Variants in RBKS observed in about 807,000 individuals in gnomAD.
RBKS encodes ribokinase.
A neutral mutation model predicts 33.9 loss-of-function variants in RBKS; 33 were observed. The ratio of observed to expected loss-of-function variants is 0.97; its 90% CI spans 0.74 to 1.30. The LOEUF is 1.30. Ranked by LOEUF, RBKS falls within the 50% of genes most tolerant of loss-of-function variation. The pLI, the probability that RBKS is intolerant of heterozygous loss-of-function variation, is 0.00. For missense variants in RBKS, 361 were observed against 392.6 expected (o/e 0.92, Z 0.68); for synonymous variants, 125 against 143.0 (o/e 0.87, Z 0.90).
At chr2:27,857,764 T>C (rs1010216367) in intron 2 of RBKS, among the ~76,000 whole-genome samples, 3 of 152,218 alleles carry the variant, frequency 2.0e-5, no homozygotes, top group Non-Finnish European at 4.4e-5. Context: ...CATTAAGTTA[T>C]TTGAGAACTG....
At chr2:27,864,682 A>C (rs1196219497) in intron 1 of RBKS, among the ~76,000 whole-genome samples, 2 of 152,156 alleles carry the variant, frequency 1.3e-5, no homozygotes, top group Non-Finnish European at 2.9e-5. Flanking sequence ...AGAAAAAAAA[A>C]AACCAGGTTT....
intron 6 of RBKS, among the ~76,000 whole-genome samples, chr2:27,830,572 T>C (rs1213477125): frequency 6.6e-6 from 1 of 151,602 alleles, no homozygotes; most frequent in African/African-American, 2.4e-5. Flanking sequence ...CTCCAGAACA[T>C]TAAGCTTTTA....
intron 4 of RBKS, among the ~76,000 whole-genome samples, chr2:27,843,562 TGCG>T (rs1663558715): frequency 6.6e-6 from 1 of 152,190 alleles, no homozygotes; most frequent in Non-Finnish European, 1.5e-5. Context: ...AGTATATGTA[TGCG>T]GTAAAGGTTC....
intron 3 of RBKS, among the ~76,000 whole-genome samples, chr2:27,847,495 A>T (rs1001662534): frequency 6.6e-6 from 1 of 152,216 alleles, no homozygotes; most frequent in Admixed American, 6.5e-5. Context: ...GATTATTTTC[A>T]TTCTCATAAG....
chr2:27,798,149 C>A (rs529505398), intron 7 of RBKS, among the ~76,000 whole-genome samples: 14 of 152,142 alleles, frequency 9.2e-5, no homozygotes, highest in Non-Finnish European at 2.1e-4. Context: ...CATGTAGGCG[C>A]CCAAGTCCTA....
At chr2:27,793,135 A>T (rs1464963643) in intron 7 of RBKS, among the ~76,000 whole-genome samples, 2 of 152,218 alleles carry the variant, frequency 1.3e-5, no homozygotes, top group Non-Finnish European at 2.9e-5. Context: ...GTCTATACTG[A>T]TATAAAATAA....
At chr2:27,883,537 G>A (rs1441596527) in intron 1 of RBKS, among the ~76,000 whole-genome samples, 1 of 151,986 alleles carries the variant, frequency 6.6e-6, no homozygotes, top group Non-Finnish European at 1.5e-5. Flanking sequence ...CACACTATAA[G>A]TATTTCAGCA....
rs1374220433 is a variant in RBKS, at chr2:27,795,185, T to C, written c.796-13397A>G. Among the ~76,000 whole-genome samples the C allele has an allele frequency of 2.0e-5, 3 of 152,198 alleles. No individual in the cohort carries two copies. Among genetic ancestry groups the C allele is most frequent in the African/African-American group, 4.8e-5 (2 of 41,442 alleles). On this transcript the variant is annotated intron_variant, in intron 7 of 7. Coordinates refer to ENST00000302188, the MANE Select transcript of RBKS (RefSeq NM_022128.3). The surrounding 1 kb of genome is among the most constrained non-coding windows in gnomAD (Gnocchi z 4.1). The stretch of plus-strand genomic sequence containing the variant: ...TCCCTTAAAAGTCCTGTGTGTTCAA[T>C]TAATGCTTGCTGATGGACCGTCTCT...
intron 1 of RBKS, among the ~76,000 whole-genome samples, chr2:27,886,576 G>A (rs775792720): frequency 6.6e-6 from 1 of 152,098 alleles, no homozygotes; most frequent in Non-Finnish European, 1.5e-5. Flanking sequence ...ATGATATAAT[G>A]GAAAGGTACG....
intron 7 of RBKS, among the ~76,000 whole-genome samples, chr2:27,822,363 A>G (rs1678228639): frequency 6.6e-6 from 1 of 152,202 alleles, no homozygotes; most frequent in Admixed American, 6.5e-5. Context: ...AGGAAAGGTC[A>G]CACCAAGTTG....
intron 5 of RBKS, among the ~76,000 whole-genome samples, chr2:27,836,924 A>AGCAGTTTGGAGATTGATTCTCAAAGAAC (rs1678534381): frequency 2.0e-5 from 3 of 150,886 alleles, no homozygotes; most frequent in African/African-American, 7.5e-5. Context: ...CATCAGAGAA[A>AGCAGTTTGGAGATTGATTCTCAAAGAAC]TGCAAATCAA....
intron 5 of RBKS, 31 bp downstream of exon 5, chr2:27,843,036 T>C (rs1464819830): frequency 6.6e-7 from 1 of 1,511,208 alleles, no homozygotes; most frequent in Non-Finnish European, 8.9e-7. Flanking sequence ...TAAAAGCTTT[T>C]ATAGAAAGAA....
At chr2:27,801,362 C>A (rs1252217319) in intron 7 of RBKS, among the ~76,000 whole-genome samples, 10 of 151,956 alleles carry the variant, frequency 6.6e-5, no homozygotes, top group African/African-American at 9.7e-5. Flanking sequence ...GCATTCCCAA[C>A]TGGGGCTATA....
At chr2:27,868,023 A>G (rs1462990590) in intron 1 of RBKS, among the ~76,000 whole-genome samples, 2 of 152,240 alleles carry the variant, frequency 1.3e-5, no homozygotes, top group South Asian at 2.1e-4. Context: ...TACAAAACCA[A>G]TATTTTATTT....
At chr2:27,822,893 A>G (rs562279262) in intron 7 of RBKS, among the ~76,000 whole-genome samples, 1 of 152,364 alleles carries the variant, frequency 6.6e-6, no homozygotes, top group African/African-American at 2.4e-5. Context: ...TAAATTCTTG[A>G]GAGTGTTATT....
chr2:27,850,228 A>G (rs1663711310), intron 2 of RBKS, among the ~76,000 whole-genome samples: 1 of 152,166 alleles, frequency 6.6e-6, no homozygotes, highest in Admixed American at 6.5e-5. Context: ...CAGAGTTCCC[A>G]TATACTCTCT....
intron 7 of RBKS, among the ~76,000 whole-genome samples, chr2:27,806,066 TAG>T (rs1677890942): frequency 6.6e-6 from 1 of 151,926 alleles, no homozygotes; most frequent in South Asian, 2.1e-4. Flanking sequence ...TATTTTTTTG[TAG>T]AGTCAGGGTT....
At chr2:27,815,374 CTT>C (rs767795574) in intron 7 of RBKS, among the ~76,000 whole-genome samples, 15 of 152,160 alleles carry the variant, frequency 9.9e-5, no homozygotes, top group Admixed American at 5.2e-4. Flanking sequence ...TGCTGGCTAA[CTT>C]TTTTTGTCGA....
chr2:27,849,239 G>A (rs1040257515), intron 2 of RBKS, among the ~76,000 whole-genome samples: 1 of 151,754 alleles, frequency 6.6e-6, no homozygotes, highest in Non-Finnish European at 1.5e-5. Flanking sequence ...TTTTGAATTG[G>A]GTGTCTATTG....
Sources: gnomAD v4.1 joint callset for allele counts (sites outside exome capture counted in the v4.1 genomes callset) on GRCh38, gnomAD v4.1.1 for gene constraint, Gnocchi (gnomAD v3.1) non-coding constraint, MANE v1.5 for transcripts, NCBI Gene and HGNC (gene_info 2026-07-23, HGNC 2026-07-21) for gene names.